OSBPL3: variants seen among roughly 807,000 people sequenced by gnomAD.
The protein encoded by OSBPL3 is oxysterol binding protein like 3, also known as oxysterol-binding protein-related protein 3.
Under a neutral mutation model 120.1 loss-of-function variants are expected in OSBPL3, and 65 were observed. The observed-to-expected ratio is 0.54, with a 90% confidence interval of 0.44 to 0.67. The LOEUF is 0.67. Ranked by LOEUF, OSBPL3 falls within the 30% of genes least tolerant of loss-of-function variation. The pLI, the probability that OSBPL3 is intolerant of heterozygous loss-of-function variation, is 0.00. For missense variants in OSBPL3, 1,004 were observed against 1,082.1 expected (o/e 0.93, Z 1.01); for synonymous variants, 416 against 402.6 (o/e 1.03, Z -0.40).
At chr7:24,837,569 G>A (rs956476185) in intron 14 of OSBPL3, among the ~76,000 whole-genome samples, 1 of 152,150 alleles carries the variant, frequency 6.6e-6, no homozygotes, top group African/African-American at 2.4e-5. Context: ...ACACTAATCT[G>A]AATTTTGAAA....
chr7:24,867,109 AT>A lies in OSBPL3; in HGVS notation c.382-873del, dbSNP rs1801442360. ...GCCACCACACCTGGCCTGTTATGCT[AT>A]TTTTAAGAAAACAGAACAGTGCCAA... On this transcript the variant is annotated intron_variant, in intron 5 of 22. Transcript: ENST00000313367. The surrounding 1 kb of genome is among the most constrained non-coding windows in gnomAD (Gnocchi z 4.5). Among the ~76,000 whole-genome samples, 1 of 152,184 alleles carries A rather than the reference AT, an allele frequency of 6.6e-6. No homozygotes were observed. Among genetic ancestry groups the A allele is most frequent in the Non-Finnish European group, 1.5e-5 (1 of 68,014 alleles).
At chr7:24,909,778 TCTTTC>T (rs774665508) in intron 1 of OSBPL3, among the ~76,000 whole-genome samples, 1 of 130,032 alleles carries the variant, frequency 7.7e-6, no homozygotes, top group Non-Finnish European at 1.6e-5. Context: ...GTTTTTTTTT[TCTTTC>T]TTTTTTTTTT....
At chr7:24,928,018 T>C (rs1177643414) in intron 1 of OSBPL3, among the ~76,000 whole-genome samples, 2 of 151,996 alleles carry the variant, frequency 1.3e-5, no homozygotes, top group African/African-American at 4.8e-5. Flanking sequence ...TATTGTGAGA[T>C]CTTGTTGTTC....
intron 12 of OSBPL3, among the ~76,000 whole-genome samples, chr7:24,846,527 A>C (rs1056172444): frequency 8.5e-5 from 13 of 152,202 alleles, no homozygotes; most frequent in African/African-American, 2.9e-4. Context: ...GGCCTTTTTT[A>C]GTCTCTTAAA....
At position 24,939,242 on chromosome 7, in the gene OSBPL3, G is replaced by C. The variant is rs1812801879; in HGVS notation, c.-150+40644C>G. Among the ~76,000 whole-genome samples, 1 of 152,212 alleles carries C rather than the reference G, an allele frequency of 6.6e-6. No homozygotes were observed. Among genetic ancestry groups the C allele is most frequent in the Non-Finnish European group, 1.5e-5 (1 of 68,032 alleles). On this transcript the variant is annotated intron_variant, in intron 1 of 22. Transcript: ENST00000313367. This position sits in a 1 kb window ranked among gnomAD's most constrained non-coding sequence, Gnocchi z 4.2. The stretch of plus-strand genomic sequence containing the variant: ...CCAAAGGACCAAGGTCTCTGAGGAT[G>C]GAGGAGGTGTAAGCTACTGGTAATT...
chr7:24,926,900 C>T (rs1307184516), intron 1 of OSBPL3, among the ~76,000 whole-genome samples: 1 of 152,172 alleles, frequency 6.6e-6, no homozygotes, highest in Non-Finnish European at 1.5e-5. Context: ...CTAATAATTG[C>T]ATCCATGTAA....
intron 12 of OSBPL3, 139 bp from the exon 13 acceptor site, chr7:24,842,552 C>T (rs1218519064): frequency 4.5e-6 from 3 of 665,144 alleles, no homozygotes; most frequent in South Asian, 4.0e-5. Flanking sequence ...AGCTCCAACA[C>T]TGAGATGCGA....
rs1188530244 is a variant in OSBPL3, at chr7:24,822,600, C to A, written c.1885-2362G>T. ...TATTATGAAGTAGATTATATTCATC[C>A]CACAAAAACAATGTAGCAATGTGGG... On this transcript the variant is annotated intron_variant, in intron 16 of 22. Transcript: ENST00000313367. The surrounding 1 kb of genome is among the most constrained non-coding windows in gnomAD (Gnocchi z 5.8). Among the ~76,000 whole-genome samples the A allele has an allele frequency of 2.0e-5, 3 of 152,118 alleles. No homozygotes were observed. Among genetic ancestry groups the A allele is most frequent in the Non-Finnish European group, 4.4e-5 (3 of 68,014 alleles).
At chr7:24,868,956 T>C (rs974103580) in intron 5 of OSBPL3, among the ~76,000 whole-genome samples, 4 of 152,170 alleles carry the variant, frequency 2.6e-5, no homozygotes, top group African/African-American at 9.7e-5. Flanking sequence ...TCTCAAGCAG[T>C]TCTAGGGCCG....
rs1351445689 is a variant in OSBPL3, at chr7:24,932,154, T to A, written c.-149-39533A>T. ...TTCCCATAAACCATGTCTTATTTAA[T>A]TAATAAGAAATGAATGGGCACATTT... is the stretch of plus-strand genomic sequence containing the variant. On this transcript the variant is annotated intron_variant, in intron 1 of 22. Transcript: ENST00000313367. The surrounding 1 kb of genome is among the most constrained non-coding windows in gnomAD (Gnocchi z 5.6). Among the ~76,000 whole-genome samples the A allele has an allele frequency of 1.3e-5, 2 of 152,212 alleles. No homozygotes were observed. The highest frequency in any genetic ancestry group is 2.9e-5 in the Non-Finnish European group (2 of 68,040).
rs535732051 is a variant in OSBPL3 at position 24,813,768 on chromosome 7, G to T, written c.2172+1291C>A. 1.3e-5 allele frequency among the ~76,000 whole-genome samples: 2 copies of T among 152,272 alleles called. No homozygotes were observed. Among genetic ancestry groups the T allele is most frequent in the East Asian group, 1.9e-4 (1 of 5,170 alleles). ...TAAATGCCAATATTCCTTGAGGAGG[G>T]TCATGTTTTAAAGCTGTTTTAACTA... On this transcript the variant is annotated intron_variant, in intron 19 of 22. Transcript: ENST00000313367. This position sits in a 1 kb window ranked among gnomAD's most constrained non-coding sequence, Gnocchi z 4.5.
At chr7:24,885,479 T>C (rs1258606464) in intron 2 of OSBPL3, among the ~76,000 whole-genome samples, 2 of 151,994 alleles carry the variant, frequency 1.3e-5, no homozygotes, top group Non-Finnish European at 2.9e-5. Context: ...TTCAAGCCAC[T>C]GTAGTTCAGC....
chr7:24,900,968 C>T lies in OSBPL3; in HGVS notation c.-149-8347G>A, dbSNP rs1376624295. On this transcript the variant is annotated intron_variant, in intron 1 of 22. Coordinates refer to ENST00000313367, the MANE Select transcript of OSBPL3 (RefSeq NM_015550.4). This position sits in a 1 kb window ranked among gnomAD's most constrained non-coding sequence, Gnocchi z 4.5. ...TCTGGGAGGCGGAGGTTGCAGTGAG[C>T]TGAGGTTTTGCCACTGCACTCCAGC... Among the ~76,000 whole-genome samples, 32 of 149,682 alleles carry T rather than the reference C, an allele frequency of 2.1e-4. No individual in the cohort carries two copies. The highest frequency in any genetic ancestry group is 1.8e-3 in the Admixed American group (27 of 14,872).
chr7:24,944,206 T>G (rs1325244334), intron 1 of OSBPL3, among the ~76,000 whole-genome samples: 1 of 152,190 alleles, frequency 6.6e-6, no homozygotes, highest in Non-Finnish European at 1.5e-5. Flanking sequence ...GTTACAATAG[T>G]GGCTGTAACA....
chr7:24,886,533 C>T (rs576044862), intron 2 of OSBPL3, among the ~76,000 whole-genome samples: 3 of 152,290 alleles, frequency 2.0e-5, no homozygotes, highest in African/African-American at 7.2e-5. Flanking sequence ...TATACCTGGC[C>T]ATACATTCTC....
Position 24,863,254 on chromosome 7 carries a change from C to G in OSBPL3, c.816G>C (p.Ser272=). ...SFESPKKEKR[S]HRRWRSRAIG... is the part of the protein sequence containing the mutation. ...TAGCTCTGGACCGCCACCTCCTGTG[C>G]GATCTTTTTTCCTTTTTGGGACTTT... The change falls in exon 9 of 23, where the codon TCG becomes TCC. Residue 272 remains serine, a synonymous_variant. Coordinates refer to ENST00000313367, the MANE Select transcript of OSBPL3 (RefSeq NM_015550.4). This position sits in a 1 kb window ranked among gnomAD's most constrained non-coding sequence, Gnocchi z 5.8. 6.2e-7 allele frequency: 1 copy of G among 1,614,074 alleles called. No homozygotes were observed. The highest frequency in any genetic ancestry group is 1.6e-4 in the Middle Eastern group (1 of 6,062).
Position 24,829,367 on chromosome 7 carries a change from T to G in OSBPL3, c.1884+1401A>C, listed in dbSNP as rs1796098837. On this transcript the variant is annotated intron_variant, in intron 16 of 22. Coordinates refer to ENST00000313367, the MANE Select transcript of OSBPL3 (RefSeq NM_015550.4). ...TCCATGTTTAATTTCTTGTTTTAGCTTCTAACTGGCAAGCTACTGACAGTG... is the reference window on the plus strand; with the variant it reads ...TCCATGTTTAATTTCTTGTTTTAGCGTCTAACTGGCAAGCTACTGACAGTG... 3.3e-5 allele frequency among the ~76,000 whole-genome samples: 5 copies of G among 152,358 alleles called. No individual in the cohort carries two copies. The South Asian group carries it at 1.0e-3, about 32-fold the overall frequency.
At position 24,806,939 on chromosome 7, in the gene OSBPL3, T is replaced by C. The variant is rs1316783518; in HGVS notation, c.2318-37A>G. The C allele has an allele frequency of 6.5e-7, 1 of 1,534,006 alleles. No individual in the cohort carries two copies. Among genetic ancestry groups the C allele is most frequent in the Non-Finnish European group, 8.8e-7 (1 of 1,134,164 alleles). On this transcript the variant is annotated intron_variant, in intron 20 of 22. Transcript: ENST00000313367. The surrounding 1 kb of genome is among the most constrained non-coding windows in gnomAD (Gnocchi z 5.2). ...ATAAATCATTCACCCCTAACTTGCATGTTACTTATGTTACATTTTAATTCC... is the reference window on the plus strand; with the variant it reads ...ATAAATCATTCACCCCTAACTTGCACGTTACTTATGTTACATTTTAATTCC...
Position 24,879,309 on chromosome 7 carries a change from G to A in OSBPL3, c.97-7240C>T, listed in dbSNP as rs1322632448. On this transcript the variant is annotated intron_variant, in intron 2 of 22. Coordinates refer to ENST00000313367, the MANE Select transcript of OSBPL3 (RefSeq NM_015550.4). This position sits in a 1 kb window ranked among gnomAD's most constrained non-coding sequence, Gnocchi z 5.6. ...TACAATCCCTGACTTTGGGATCTAA[G>A]TGAGAAGATTAAAGAAAACAGGAGA... Among the ~76,000 whole-genome samples the A allele has an allele frequency of 6.6e-6, 1 of 152,212 alleles. No homozygotes were observed. The highest frequency in any genetic ancestry group is 2.4e-5 in the African/African-American group (1 of 41,450).
Sources: gnomAD v4.1 joint callset for allele counts (sites outside exome capture counted in the v4.1 genomes callset) on GRCh38, gnomAD v4.1.1 for gene constraint, Gnocchi (gnomAD v3.1) non-coding constraint, MANE v1.5 for transcripts, NCBI Gene and HGNC (gene_info 2026-07-23, HGNC 2026-07-21) for gene names.